Variants in ZFPM2 observed in about 807,000 individuals in gnomAD.
The protein encoded by ZFPM2 is zinc finger protein, FOG family member 2.
In ZFPM2, 20 loss-of-function variants were observed where a neutral mutation model predicts 98.6. The ratio of observed to expected loss-of-function variants is 0.20; its 90% CI spans 0.14 to 0.29. ZFPM2 has a LOEUF of 0.29. Ranked by LOEUF, ZFPM2 falls within the 10% of genes least tolerant of loss-of-function variation. The probability of loss-of-function intolerance (pLI) is 1.00; values close to 1 mark genes in which losing one functional copy is unlikely to be tolerated. For synonymous variants in ZFPM2, 518 were observed against 502.7 expected (o/e 1.03, Z -0.41); for missense variants, 1,310 against 1,388.6 (o/e 0.94, Z 0.90).
chr8:105,333,172 G>A (rs1336724702), intron 1 of ZFPM2, among the ~76,000 whole-genome samples: 1 of 151,734 alleles, frequency 6.6e-6, no homozygotes, highest in Non-Finnish European at 1.5e-5. Context: ...CTTTCATTTT[G>A]TGAAGTTTAA....
At chr8:105,667,994 G>A (rs1817521193) in intron 5 of ZFPM2, among the ~76,000 whole-genome samples, 1 of 152,138 alleles carries the variant, frequency 6.6e-6, no homozygotes, top group African/African-American at 2.4e-5. Flanking sequence ...GCTCTTTGGA[G>A]TCCTAAATTT....
chr8:105,630,796 T>C (rs1816741945), intron 4 of ZFPM2, among the ~76,000 whole-genome samples: 1 of 152,138 alleles, frequency 6.6e-6, no homozygotes, highest in Non-Finnish European at 1.5e-5. Context: ...TCAAGTGAAA[T>C]GCTTACCTCA....
intron 1 of ZFPM2, among the ~76,000 whole-genome samples, chr8:105,332,008 T>C (rs570185299): frequency 2.0e-5 from 3 of 151,710 alleles, no homozygotes; most frequent in Non-Finnish European, 4.4e-5. Context: ...AAGCATACTA[T>C]TGTTATGTAG....
intron 5 of ZFPM2, among the ~76,000 whole-genome samples, chr8:105,731,965 A>T (rs1172853621): frequency 2.0e-5 from 3 of 151,764 alleles, no homozygotes; most frequent in Non-Finnish European, 4.4e-5. Flanking sequence ...CTGATGGAGA[A>T]TTGTGACCTT....
At chr8:105,476,410 T>A (rs1266974531) in intron 3 of ZFPM2, among the ~76,000 whole-genome samples, 1 of 152,198 alleles carries the variant, frequency 6.6e-6, no homozygotes, top group Non-Finnish European at 1.5e-5. Context: ...TATGATAATC[T>A]AACTAATGCC....
At chr8:105,575,561 A>C (rs1289048933) in intron 4 of ZFPM2, among the ~76,000 whole-genome samples, 4 of 152,184 alleles carry the variant, frequency 2.6e-5, no homozygotes, top group Non-Finnish European at 4.4e-5. Flanking sequence ...TTTTCTAATG[A>C]AATATTTTAA....
intron 1 of ZFPM2, among the ~76,000 whole-genome samples, chr8:105,411,566 C>A (rs376873647): frequency 6.6e-6 from 1 of 151,674 alleles, no homozygotes; most frequent in Non-Finnish European, 1.5e-5. Flanking sequence ...TTTCATCGTT[C>A]GTACTTATTT....
chr8:105,331,882 A>G (rs1204661728), intron 1 of ZFPM2, among the ~76,000 whole-genome samples: 1 of 151,770 alleles, frequency 6.6e-6, no homozygotes, highest in Admixed American at 6.6e-5. Context: ...TTTGAAAAAC[A>G]TAAAGTCAAG....
Position 105,393,337 on chromosome 8 carries a change from CCTTTCTTTCTTT to C in ZFPM2, c.41-25763_41-25752del, listed in dbSNP as rs1196120373. Among the ~76,000 whole-genome samples the C allele has an allele frequency of 6.1e-3, 706 of 114,844 alleles. 12 individuals are homozygous for C. Among genetic ancestry groups the C allele is most frequent in the Admixed American group, 8.9e-3 (88 of 9,930 alleles). The allele number at this position is 114,844 out of a possible 152,430, so 75.3% of individuals were successfully genotyped here. Reference sequence around the variant, plus strand: ...TCTTCCTTCCCTCTCTCTCTCTTTGCCTTTCTTTCTTTCTTTCTTTCTTTCTTTCTTTCTTTC... The same window carrying C: ...TCTTCCTTCCCTCTCTCTCTCTTTGCCTTTCTTTCTTTCTTTCTTTCTTTC... On this transcript the variant is annotated intron_variant, in intron 1 of 7. Transcript: ENST00000407775.
At chr8:105,341,175 G>A (rs567688616) in intron 1 of ZFPM2, among the ~76,000 whole-genome samples, 2 of 152,014 alleles carry the variant, frequency 1.3e-5, no homozygotes, top group East Asian at 1.9e-4. Context: ...ACATACCCTC[G>A]TGGGGCTTCC....
chr8:105,759,580 TTGTGTGTG>T (rs5893760), intron 5 of ZFPM2, among the ~76,000 whole-genome samples: 6 of 146,890 alleles, frequency 4.1e-5, no homozygotes, highest in Non-Finnish European at 6.0e-5. Flanking sequence ...TTGATAATCC[TTGTGTGTG>T]TGTGTGTGTG....
At chr8:105,796,206 A>G (rs1487145524) in intron 6 of ZFPM2, among the ~76,000 whole-genome samples, 1 of 151,740 alleles carries the variant, frequency 6.6e-6, no homozygotes, top group Middle Eastern at 3.2e-3. Flanking sequence ...AGGAACTGGA[A>G]ATAACATGGC....
At chr8:105,657,061 G>A (rs1384453052) in intron 5 of ZFPM2, among the ~76,000 whole-genome samples, 3 of 152,146 alleles carry the variant, frequency 2.0e-5, no homozygotes, top group Non-Finnish European at 4.4e-5. Context: ...CAATGAAATA[G>A]ATAACAATTT....
chr8:105,357,630 T>C (rs777017009), intron 1 of ZFPM2, among the ~76,000 whole-genome samples: 8 of 152,168 alleles, frequency 5.3e-5, no homozygotes, highest in Non-Finnish European at 1.2e-4. Flanking sequence ...TTATGTTTCT[T>C]CTAGAAAATT....
At chr8:105,477,767 C>G (rs981168580) in intron 3 of ZFPM2, among the ~76,000 whole-genome samples, 1 of 152,114 alleles carries the variant, frequency 6.6e-6, no homozygotes, top group Non-Finnish European at 1.5e-5. Context: ...AATGGATCTT[C>G]CATTCTACCA....
intron 1 of ZFPM2, among the ~76,000 whole-genome samples, chr8:105,390,678 C>T (rs919274433): frequency 7.2e-5 from 11 of 152,128 alleles, no homozygotes; most frequent in African/African-American, 2.7e-4. Flanking sequence ...GATTCCTGTG[C>T]AGGACAAAGA....
At chr8:105,747,010 A>G (rs1812363982) in intron 5 of ZFPM2, among the ~76,000 whole-genome samples, 1 of 151,880 alleles carries the variant, frequency 6.6e-6, no homozygotes, top group East Asian at 1.9e-4. Context: ...ACACTGGGGG[A>G]AAAAAACTTC....
At chr8:105,739,528 A>G (rs550217748) in intron 5 of ZFPM2, among the ~76,000 whole-genome samples, 17 of 152,072 alleles carry the variant, frequency 1.1e-4, no homozygotes, top group Non-Finnish European at 2.4e-4. Context: ...ACACAAGCAT[A>G]TGGGGAATGC....
intron 3 of ZFPM2, among the ~76,000 whole-genome samples, chr8:105,504,354 C>T (rs1042858449): frequency 6.6e-4 from 100 of 152,250 alleles, no homozygotes; most frequent in African/African-American, 2.4e-3. Context: ...TCACCATTAA[C>T]AAGTATGACA....
Sources: allele counts gnomAD v4.1 joint callset (sites outside exome capture counted in the v4.1 genomes callset), GRCh38; gene constraint gnomAD v4.1.1; transcripts MANE v1.5; gene names NCBI Gene and HGNC (gene_info 2026-07-23, HGNC 2026-07-21).